TOP6BL: variants seen among roughly 807,000 people sequenced by gnomAD.
The protein encoded by TOP6BL is TOP6B like initiator of meiotic double strand breaks.
At chr11:66,821,764 G>C in the TOP6BL span, 1 of 1,613,102 alleles carries the variant, frequency 6.2e-7, no homozygotes. Context: ...AGGCTGCCAA[G>C]GTAATAAGGA....
chr11:66,801,184 C>T, the TOP6BL span: 1 of 1,438,522 alleles, frequency 7.0e-7, no homozygotes, highest in Non-Finnish European at 9.7e-7. Flanking sequence ...TGGAAATTGT[C>T]TCACTTGTCA....
the TOP6BL span, chr11:66,839,113 C>G: frequency 8.8e-6 from 4 of 456,106 alleles, no homozygotes; most frequent in African/African-American, 2.0e-5. Flanking sequence ...AGTCTTTTCT[C>G]CATACATGTC....
chr11:66,793,808 T>C, the TOP6BL span, among the ~76,000 whole-genome samples: 91 of 152,124 alleles, frequency 6.0e-4, no homozygotes, highest in African/African-American at 2.1e-3. Context: ...TTCAGTGTAC[T>C]TATAAAAAAC....
the TOP6BL span, among the ~76,000 whole-genome samples, chr11:66,775,112 CAAAAAAAA>C: frequency 1.7e-5 from 1 of 57,990 alleles, no homozygotes; most frequent in Non-Finnish European, 2.9e-5. Flanking sequence ...GACTCTGTCT[CAAAAAAAA>C]AAAAAAAAAA....
chr11:66,747,724 T>A, the TOP6BL span, among the ~76,000 whole-genome samples: 3 of 152,086 alleles, frequency 2.0e-5, no homozygotes, highest in Non-Finnish European at 4.4e-5. Context: ...GCTCAAGAGA[T>A]CATCCTGCCT....
chr11:66,833,947 CAA>C, the TOP6BL span, among the ~76,000 whole-genome samples: 2 of 132,966 alleles, frequency 1.5e-5, no homozygotes, highest in South Asian at 2.4e-4. Context: ...GACTCTGTCT[CAA>C]AAAAAAAAAA....
the TOP6BL span, chr11:66,762,120 G>A: frequency 1.0e-6 from 1 of 985,250 alleles, no homozygotes. Context: ...AGGGTTTTAT[G>A]CTTCTGGATT....
At chr11:66,745,312 GGT>G in the TOP6BL span, among the ~76,000 whole-genome samples, 11 of 149,390 alleles carry the variant, frequency 7.4e-5, 2 homozygotes, top group East Asian at 2.0e-4. Context: ...TGCGGGGCGG[GGT>G]GGGGGGAGTC....
the TOP6BL span, among the ~76,000 whole-genome samples, chr11:66,767,699 C>T: frequency 3.9e-5 from 6 of 152,150 alleles, no homozygotes; most frequent in Admixed American, 6.5e-5. Flanking sequence ...GACTGCTTTG[C>T]TGTTGATATA....
chr11:66,823,687 G>A, the TOP6BL span, among the ~76,000 whole-genome samples: 4 of 152,070 alleles, frequency 2.6e-5, no homozygotes, highest in South Asian at 2.1e-4. Flanking sequence ...AGGCGTGGTG[G>A]TGCACGCCTG....
the TOP6BL span, among the ~76,000 whole-genome samples, chr11:66,826,045 G>C: frequency 6.6e-6 from 1 of 151,930 alleles, no homozygotes; most frequent in African/African-American, 2.4e-5. Flanking sequence ...GGGTTTCATC[G>C]TGTTAGCTAG....
At chr11:66,785,607 A>G in the TOP6BL span, among the ~76,000 whole-genome samples, 3 of 151,718 alleles carry the variant, frequency 2.0e-5, no homozygotes, top group East Asian at 3.9e-4. Flanking sequence ...TAATCTTTGT[A>G]TGGGTGGTAA....
chr11:66,822,662 C>T, the TOP6BL span: 1 of 1,546,020 alleles, frequency 6.5e-7, no homozygotes, highest in South Asian at 1.2e-5. Context: ...AGATGTGTCT[C>T]CAGACCCTTC....
the TOP6BL span, among the ~76,000 whole-genome samples, chr11:66,760,405 T>TA: frequency 2.0e-5 from 3 of 148,992 alleles, no homozygotes; most frequent in Admixed American, 2.0e-4. Context: ...GCCAAGATCA[T>TA]ACCATTGCAC....
At chr11:66,769,419 A>C in the TOP6BL span, among the ~76,000 whole-genome samples, 1 of 151,952 alleles carries the variant, frequency 6.6e-6, no homozygotes. Context: ...AAAAGATGAT[A>C]CTAAGAAAGT....
chr11:66,777,367 C>G, the TOP6BL span, among the ~76,000 whole-genome samples: 1 of 151,930 alleles, frequency 6.6e-6, no homozygotes, highest in African/African-American at 2.4e-5. Context: ...TTTGAAAGCA[C>G]CTACCTCATA....
chr11:66,758,689 G>A, the TOP6BL span, among the ~76,000 whole-genome samples: 1 of 152,144 alleles, frequency 6.6e-6, no homozygotes, highest in Non-Finnish European at 1.5e-5. Context: ...TAGGATATGA[G>A]TTATTGACAC....
the TOP6BL span, among the ~76,000 whole-genome samples, chr11:66,799,652 C>A: frequency 6.6e-6 from 1 of 151,354 alleles, no homozygotes; most frequent in Non-Finnish European, 1.5e-5. Context: ...GCGGAGGTTG[C>A]AGTGAGCCGA....
At chr11:66,828,329 C>T in the TOP6BL span, 1 of 1,613,674 alleles carries the variant, frequency 6.2e-7, no homozygotes, top group Non-Finnish European at 8.5e-7. Context: ...CACCCAACAC[C>T]AATTTCTTCA....
Sources: gnomAD v4.1 joint callset for allele counts (sites outside exome capture counted in the v4.1 genomes callset) on GRCh38, gnomAD v4.1.1 for gene constraint, MANE v1.5 for transcripts, NCBI Gene and HGNC (gene_info 2026-07-23, HGNC 2026-07-21) for gene names.